The following THEMIS variants were observed in gnomAD, a reference collection of about 807,000 sequenced individuals.
THEMIS encodes protein THEMIS.
A neutral mutation model predicts 52.6 loss-of-function variants in THEMIS; 37 were observed. The observed-to-expected ratio is 0.70, with a 90% CI of 0.54 to 0.93. The LOEUF (loss-of-function observed/expected upper bound fraction) is 0.93. Among genes scored for constraint, THEMIS ranks in the 40% least tolerant of loss-of-function variants. THEMIS has a pLI of 0.00. For synonymous variants in THEMIS, 292 were observed against 272.7 expected, an observed-to-expected ratio of 1.07 and a Z score of -0.70; for missense variants, 808 against 763.1, an observed-to-expected ratio of 1.06 and a Z score of -0.69.
At chr6:127,734,825 C>T (rs1455776955) in intron 4 of THEMIS, among the ~76,000 whole-genome samples, 2 of 122,744 alleles carry the variant, frequency 1.6e-5, no homozygotes, top group Non-Finnish European at 3.2e-5. Context: ...GCCGAGATTA[C>T]ACCATTGCAT....
chr6:127,842,934 G>A (rs1779098522), intron 2 of THEMIS, among the ~76,000 whole-genome samples: 1 of 151,928 alleles, frequency 6.6e-6, no homozygotes, highest in African/African-American at 2.4e-5. Context: ...CCTTAGTGAT[G>A]TAATTCATGG....
chr6:127,845,574 T>A (rs1779185419), intron 2 of THEMIS, among the ~76,000 whole-genome samples: 1 of 151,914 alleles, frequency 6.6e-6, no homozygotes, highest in Non-Finnish European at 1.5e-5. Context: ...GAGGTTGAAG[T>A]ATCTTCAAAG....
intron 2 of THEMIS, among the ~76,000 whole-genome samples, chr6:127,840,964 C>T (rs369734811): frequency 5.3e-5 from 8 of 151,888 alleles, no homozygotes; most frequent in Non-Finnish European, 8.8e-5. Flanking sequence ...AATGAGTAGG[C>T]GGAGCACAAA....
intron 1 of THEMIS, among the ~76,000 whole-genome samples, chr6:127,896,544 G>T (rs1385439919): frequency 6.6e-6 from 1 of 151,522 alleles, no homozygotes; most frequent in Non-Finnish European, 1.5e-5. Context: ...AATTTAAAAT[G>T]ATGCCAATTT....
intron 1 of THEMIS, among the ~76,000 whole-genome samples, chr6:127,879,470 C>T (rs1780411437): frequency 6.6e-6 from 1 of 151,794 alleles, no homozygotes; most frequent in South Asian, 2.1e-4. Context: ...ATTTAAGTAT[C>T]ATGAAGAAAG....
chr6:127,853,701 C>T (rs1024781391), intron 2 of THEMIS, among the ~76,000 whole-genome samples: 1 of 151,598 alleles, frequency 6.6e-6, no homozygotes, highest in Non-Finnish European at 1.5e-5. Context: ...ATAATGGTAA[C>T]AAAAGCTGAC....
At chr6:127,779,833 G>A (rs1776685073) in intron 4 of THEMIS, among the ~76,000 whole-genome samples, 1 of 152,108 alleles carries the variant, frequency 6.6e-6, no homozygotes, top group African/African-American at 2.4e-5. Flanking sequence ...TAATTATACT[G>A]TTTTATATAG....
chr6:127,706,323 A>G (rs899196999), downstream of THEMIS, among the ~76,000 whole-genome samples: 2 of 152,138 alleles, frequency 1.3e-5, no homozygotes, highest in Non-Finnish European at 2.9e-5. Context: ...CAACAACTCT[A>G]CAATGTAGAG....
At chr6:127,829,371 T>C (rs1411649782) in intron 3 of THEMIS, 105 bp downstream of exon 3, 2 of 874,950 alleles carry the variant, frequency 2.3e-6, no homozygotes. Flanking sequence ...ACAGGCTCAA[T>C]AGTTGAAATA....
chr6:127,746,780 TAA>T (rs1308700806), intron 4 of THEMIS, among the ~76,000 whole-genome samples: 23 of 57,046 alleles, frequency 4.0e-4, no homozygotes, highest in Admixed American at 1.0e-3. Flanking sequence ...ATATTATATA[TAA>T]TTATATATTA....
chr6:127,873,453 T>A (rs1042789257), intron 1 of THEMIS, among the ~76,000 whole-genome samples: 1 of 152,154 alleles, frequency 6.6e-6, no homozygotes, highest in Non-Finnish European at 1.5e-5. Flanking sequence ...ATATACGTAT[T>A]AAAGGAAGAA....
chr6:127,829,129 C>A (rs1021108032), intron 3 of THEMIS, among the ~76,000 whole-genome samples: 8 of 152,092 alleles, frequency 5.3e-5, no homozygotes, highest in Non-Finnish European at 5.9e-5. Context: ...ACAAGAAAGC[C>A]TCATTCTAAC....
At chr6:127,699,140 G>T in the THEMIS span, among the ~76,000 whole-genome samples, 1 of 151,626 alleles carries the variant, frequency 6.6e-6, no homozygotes. Context: ...CTCTTTCAAG[G>T]TCTCCCTCCC....
intron 4 of THEMIS, among the ~76,000 whole-genome samples, chr6:127,756,309 AT>A (rs1287389799): frequency 2.6e-5 from 4 of 152,102 alleles, no homozygotes; most frequent in Non-Finnish European, 5.9e-5. Context: ...TTTCTAATCA[AT>A]TTCACTTTTT....
At chr6:127,895,389 A>G (rs1200445050) in intron 1 of THEMIS, among the ~76,000 whole-genome samples, 1 of 151,568 alleles carries the variant, frequency 6.6e-6, no homozygotes, top group Admixed American at 6.6e-5. Flanking sequence ...ATGTCTATTT[A>G]AGAAAACCAG....
chr6:127,762,109 C>T (rs1009646303), intron 4 of THEMIS, among the ~76,000 whole-genome samples: 2 of 152,000 alleles, frequency 1.3e-5, no homozygotes, highest in East Asian at 3.9e-4. Flanking sequence ...TATGTGACAA[C>T]ATGTATGAAT....
At chr6:127,736,851 C>CAAAAAAAAAAAAAAAAAAAAAAAAAAAA (rs3057968) in intron 4 of THEMIS, among the ~76,000 whole-genome samples, 1 of 104,876 alleles carries the variant, frequency 9.5e-6, no homozygotes, top group Non-Finnish European at 1.8e-5. Context: ...ACCAAATGAT[C>CAAAAAAAAAAAAAAAAAAAAAAAAAAAA]AAAAAAAAAA....
intron 4 of THEMIS, among the ~76,000 whole-genome samples, chr6:127,751,756 A>T (rs1775651414): frequency 6.6e-6 from 1 of 151,674 alleles, no homozygotes; most frequent in Non-Finnish European, 1.5e-5. Flanking sequence ...ATGTTAGGGG[A>T]CTCTAATACT....
At chr6:127,819,948 A>G (rs1407824949) in intron 3 of THEMIS, among the ~76,000 whole-genome samples, 5 of 152,162 alleles carry the variant, frequency 3.3e-5, no homozygotes, top group Non-Finnish European at 7.4e-5. Flanking sequence ...TAATAATTGT[A>G]GCAATATTTT....
Sources: gnomAD v4.1 joint callset for allele counts (sites outside exome capture counted in the v4.1 genomes callset) on GRCh38, gnomAD v4.1.1 for gene constraint, MANE v1.5 for transcripts, NCBI Gene and HGNC (gene_info 2026-07-23, HGNC 2026-07-21) for gene names.